EPHA7: variants seen among roughly 807,000 people sequenced by gnomAD.
EPHA7 encodes EPH receptor A7, also known as ephrin type-A receptor 7.
EPHA7 carries 25 observed loss-of-function variants against 112.6 expected under a neutral mutation model. The ratio of observed to expected loss-of-function variants is 0.22; its 90% CI spans 0.16 to 0.31. EPHA7 has a LOEUF of 0.31. Among genes scored for constraint, EPHA7 ranks in the 10% least tolerant of loss-of-function variants. EPHA7 has a pLI of 1.00. For synonymous variants in EPHA7, 437 were observed against 406.5 expected, an observed-to-expected ratio of 1.07 and a Z score of -0.90; for missense variants, 962 against 1,212.6, an observed-to-expected ratio of 0.79 and a Z score of 3.07.
At chr6:93,299,101 C>A (rs1772830251) in intron 5 of EPHA7, among the ~76,000 whole-genome samples, 1 of 149,888 alleles carries the variant, frequency 6.7e-6, no homozygotes, top group African/African-American at 2.5e-5. Flanking sequence ...CCGAGGCGGG[C>A]GGATCAAGAG....
At chr6:93,411,944 G>A (rs948102301) in intron 2 of EPHA7, among the ~76,000 whole-genome samples, 11 of 151,922 alleles carry the variant, frequency 7.2e-5, no homozygotes, top group African/African-American at 2.7e-4. Flanking sequence ...CCATTTATAT[G>A]TTGATATAAT....
intron 3 of EPHA7, among the ~76,000 whole-genome samples, chr6:93,405,378 TA>T (rs1182444292): frequency 6.6e-6 from 1 of 151,858 alleles, no homozygotes; most frequent in Non-Finnish European, 1.5e-5. Flanking sequence ...TTATGTAAAA[TA>T]TTTTTTAATT....
At chr6:93,356,224 A>G (rs2504426) in intron 5 of EPHA7, among the ~76,000 whole-genome samples, 129,085 of 151,148 alleles carry the variant, frequency 0.85, 55,274 homozygotes, top group African/African-American at 0.91. Context: ...TTTTTTTTCC[A>G]GAGACAAGAG....
At chr6:93,387,061 A>G (rs1008055290) in intron 3 of EPHA7, among the ~76,000 whole-genome samples, 1 of 152,040 alleles carries the variant, frequency 6.6e-6, no homozygotes. Flanking sequence ...GCTCCTTATT[A>G]CTTATGCAAA....
At chr6:93,389,277 A>G (rs763358560) in intron 3 of EPHA7, among the ~76,000 whole-genome samples, 2 of 152,052 alleles carry the variant, frequency 1.3e-5, no homozygotes, top group African/African-American at 2.4e-5. Flanking sequence ...TCCATTTTCT[A>G]TGTGCTAGTA....
At position 93,245,368 on chromosome 6, in the gene EPHA7, C is replaced by T; in HGVS notation, c.2812G>A (p.Glu938Lys). 2 of 1,613,666 alleles carry T rather than the reference C, an allele frequency of 1.2e-6. No homozygotes were observed. Among genetic ancestry groups the T allele is most frequent in the Non-Finnish European group, 1.7e-6 (2 of 1,179,852 alleles). Residue 938 changes from glutamate to lysine, a missense_variant, in exon 16 of 17, where the codon GAA becomes AAA. Around this residue, in one of 3 missense-constraint regions of EPHA7, gnomAD observed 746 missense variants for 889.2 expected, o/e 0.84. Coordinates refer to ENST00000369303, the MANE Select transcript of EPHA7 (RefSeq NM_004440.4). ...VGEWLQAIKM[E>K]RYKDNFTAAG... ...GCCGTGAAATTATCTTTATATCTTT[C>T]CATCTTAATAGCTTGTAGCCATTCT...
chr6:93,384,230 G>T (rs1002636251), intron 3 of EPHA7, among the ~76,000 whole-genome samples: 1 of 152,014 alleles, frequency 6.6e-6, no homozygotes, highest in Non-Finnish European at 1.5e-5. Context: ...TCCATAATGT[G>T]TCCCTAACAC....
intron 3 of EPHA7, chr6:93,409,639 A>C (rs1778878947): frequency 6.6e-6 from 1 of 151,966 alleles, no homozygotes. Context: ...TATATAAGTT[A>C]AAAAGAGACA....
chr6:93,353,414 C>T (rs1430621518), intron 5 of EPHA7, among the ~76,000 whole-genome samples: 1 of 151,964 alleles, frequency 6.6e-6, no homozygotes, highest in Non-Finnish European at 1.5e-5. Context: ...ACATAAGAAC[C>T]TCTATCATAA....
At chr6:93,374,991 C>G (rs1323776217) in intron 3 of EPHA7, among the ~76,000 whole-genome samples, 1 of 152,092 alleles carries the variant, frequency 6.6e-6, no homozygotes, top group Non-Finnish European at 1.5e-5. Flanking sequence ...AACATTTTTG[C>G]AATCTGTTTA....
chr6:93,267,859 T>C (rs1056373450), intron 7 of EPHA7, among the ~76,000 whole-genome samples: 66 of 151,810 alleles, frequency 4.3e-4, no homozygotes, highest in African/African-American at 1.5e-3. Context: ...TCTAAAAGTG[T>C]TTTTAAATAA....
At chr6:93,378,873 C>T (rs774090617) in intron 3 of EPHA7, among the ~76,000 whole-genome samples, 4 of 152,092 alleles carry the variant, frequency 2.6e-5, no homozygotes, top group Non-Finnish European at 5.9e-5. Context: ...TGCTTCTAAA[C>T]TTCTGTCAAA....
intron 3 of EPHA7, among the ~76,000 whole-genome samples, chr6:93,384,133 A>G: frequency 6.6e-6 from 1 of 152,178 alleles, no homozygotes; most frequent in African/African-American, 2.4e-5. Flanking sequence ...TTGGCTTAAA[A>G]AGAATAGTTA....
At position 93,255,843 on chromosome 6, in the gene EPHA7, A is replaced by T; in HGVS notation, c.2367T>A (p.Ala789=). The part of the protein sequence containing the change: ...LSRVIEDDPE[A]VYTTTGGKIP... Reference sequence around the variant, plus strand: ...TTTTTCTTACAGTAGTTGTATAGACAGCTTCTGGATCATCCTCTATAACTC... The same window carrying T: ...TTTTTCTTACAGTAGTTGTATAGACTGCTTCTGGATCATCCTCTATAACTC... The change falls in exon 13 of 17, where the codon GCT becomes GCA. Residue 789 remains alanine, a synonymous_variant. Transcript: ENST00000369303. The T allele has an allele frequency of 6.2e-7, 1 of 1,614,006 alleles. No homozygotes were observed. Among genetic ancestry groups the T allele is most frequent in the South Asian group, 1.1e-5 (1 of 91,082 alleles).
chr6:93,353,970 T>C (rs1228596155), intron 5 of EPHA7, among the ~76,000 whole-genome samples: 4 of 152,282 alleles, frequency 2.6e-5, no homozygotes, highest in South Asian at 4.1e-4. Flanking sequence ...AAGCACTGGC[T>C]GATTATTTGT....
At chr6:93,412,756 C>A (rs187658765) in intron 2 of EPHA7, among the ~76,000 whole-genome samples, 47 of 152,068 alleles carry the variant, frequency 3.1e-4, no homozygotes, top group Non-Finnish European at 4.1e-4. Context: ...ACCAAAAAAT[C>A]AAAAGCTCCA....
At chr6:93,366,406 C>G (rs1371163306) in intron 3 of EPHA7, among the ~76,000 whole-genome samples, 1 of 152,180 alleles carries the variant, frequency 6.6e-6, no homozygotes, top group Non-Finnish European at 1.5e-5. Flanking sequence ...ATATTTCTAT[C>G]TGCAAATGAT....
At chr6:93,320,092 G>T (rs1036160401) in intron 5 of EPHA7, among the ~76,000 whole-genome samples, 13 of 151,972 alleles carry the variant, frequency 8.6e-5, no homozygotes, top group African/African-American at 3.1e-4. Context: ...TGTCTAGCAT[G>T]TATTTTGTGC....
At chr6:93,334,459 C>T (rs1336779022) in intron 5 of EPHA7, among the ~76,000 whole-genome samples, 4 of 151,962 alleles carry the variant, frequency 2.6e-5, no homozygotes, top group Admixed American at 2.6e-4. Context: ...AGACAACCTA[C>T]AGAATGGGAG....
Sources: allele counts gnomAD v4.1 joint callset (sites outside exome capture counted in the v4.1 genomes callset), GRCh38; gene constraint gnomAD v4.1.1; regional missense constraint gnomAD v4.1.1; transcripts MANE v1.5; gene names NCBI Gene and HGNC (gene_info 2026-07-23, HGNC 2026-07-21).